Variants in FAM178B observed in about 807,000 individuals in gnomAD.
FAM178B encodes the protein protein FAM178B.
FAM178B carries 82 observed loss-of-function variants against 91.7 expected under a neutral mutation model. The ratio of observed to expected loss-of-function variants is 0.89; its 90% CI spans 0.75 to 1.07. The LOEUF (loss-of-function observed/expected upper bound fraction) is 1.07. FAM178B is among the 50% of genes least tolerant of loss of function. FAM178B has a pLI of 0.00. For synonymous variants in FAM178B, 368 were observed against 359.4 expected (o/e 1.02, Z -0.27); for missense variants, 769 against 846.7 (o/e 0.91, Z 1.14).
At chr2:96,938,664 T>C (rs1485135297) in intron 8 of FAM178B, among the ~76,000 whole-genome samples, 1 of 152,204 alleles carries the variant, frequency 6.6e-6, no homozygotes, top group African/African-American at 2.4e-5. Flanking sequence ...CTCACACAGC[T>C]GCCAGGAACC....
At chr2:96,921,091 A>G in intron 12 of FAM178B, 74 bp downstream of exon 12, 1 of 1,248,934 alleles carries the variant, frequency 8.0e-7, no homozygotes, top group Non-Finnish European at 1.1e-6. Flanking sequence ...GCTGATGGGG[A>G]GGACTCTGGA....
At chr2:96,899,616 T>C (rs574410168) in intron 13 of FAM178B, among the ~76,000 whole-genome samples, 31 of 150,496 alleles carry the variant, frequency 2.1e-4, no homozygotes, top group Non-Finnish European at 3.7e-4. Flanking sequence ...CAGGCTGGAG[T>C]GCAGTGGAGC....
Position 96,960,339 on chromosome 2 carries a change from A to T in FAM178B, c.836T>A (p.Leu279Gln), listed in dbSNP as rs1251802749. ...GCGTGGCTTCAGGAGTGAGGAGTCC[A>T]GGATGCATGGCAGGGGGTGACACCT... ...LPRCHPLPCI[L>Q]DSSLLKPRSH... Residue 279 changes from leucine (L) to glutamine (Q), a missense_variant, in exon 6 of 17, where the codon CTG (leucine) becomes CAG (glutamine). Coordinates refer to ENST00000490605, the MANE Select transcript of FAM178B (RefSeq NM_001122646.3). 6.4e-7 allele frequency: 1 copy of T among 1,551,680 alleles called. No individual in the cohort carries two copies. Among genetic ancestry groups the T allele is most frequent in the Non-Finnish European group, 8.7e-7 (1 of 1,147,008 alleles).
intron 1 of FAM178B, among the ~76,000 whole-genome samples, chr2:96,982,645 T>C (rs1194265497): frequency 2.6e-5 from 4 of 151,990 alleles, no homozygotes; most frequent in Non-Finnish European, 5.9e-5. Context: ...CACAGCTCTC[T>C]GCAACCTTGA....
At chr2:96,947,786 C>A (rs1020987514) in intron 8 of FAM178B, 32 bp downstream of exon 8, 4 of 1,313,190 alleles carry the variant, frequency 3.0e-6, no homozygotes, top group Non-Finnish European at 3.2e-6. Flanking sequence ...GAGCTCAGTG[C>A]GCCAATCTCC....
At position 96,877,988 on chromosome 2, in the gene FAM178B, G is replaced by T; in HGVS notation, c.1909C>A (p.Arg637=). Residue 637 remains arginine, a synonymous_variant, in exon 16 of 17, where the codon CGG becomes AGG. Transcript: ENST00000490605. ...QLDRHISTQI[R]ESPQAMHRTM... is the part of the protein sequence containing the mutation. ...CGGTGCATGGCCTGGGGGCTCTCCC[G>T]GATCTGCGTGCTGATGTGGCGGTCC... The T allele has an allele frequency of 6.2e-7, 1 of 1,613,256 alleles. No individual in the cohort carries two copies. The highest frequency in any genetic ancestry group is 1.1e-5 in the South Asian group (1 of 91,082).
intron 9 of FAM178B, among the ~76,000 whole-genome samples, chr2:96,926,898 T>C (rs930892456): frequency 1.3e-5 from 2 of 152,198 alleles, no homozygotes; most frequent in African/African-American, 4.8e-5. Context: ...GCCCTGGCCA[T>C]TGTGAGGCAC....
Position 96,951,253 on chromosome 2 carries a change from G to T in FAM178B, c.993+126C>A, listed in dbSNP as rs139430796. 4.6e-4 allele frequency: 318 copies of T among 695,956 alleles called. 1 individual carries two copies. In the African/African-American group the frequency reaches 5.1e-3, roughly 11 times the overall value. 43.1% of individuals were successfully genotyped at this position (695,956 alleles called of 1,614,324 possible). ...CAATCAGCTCTCCTCCCTCCTCCCA[G>T]CCTGAGCCCAGCCAAGCAGCACCTA... On this transcript the variant is annotated intron_variant, in intron 7 of 16. Transcript: ENST00000490605.
intron 12 of FAM178B, among the ~76,000 whole-genome samples, chr2:96,918,867 C>T (rs1468106991): frequency 5.9e-5 from 9 of 152,162 alleles, no homozygotes; most frequent in South Asian, 2.1e-4. Context: ...AGACATTACA[C>T]GGGACAGCAC....
At chr2:96,966,713 G>T (rs11891458) in intron 5 of FAM178B, among the ~76,000 whole-genome samples, 34,050 of 151,926 alleles carry the variant, frequency 0.22, 6,311 homozygotes, top group African/African-American at 0.51. Flanking sequence ...AAGGTATTAG[G>T]AAGTGGGGCC....
At chr2:96,974,483 A>G (rs2082264408) in intron 1 of FAM178B, among the ~76,000 whole-genome samples, 1 of 151,974 alleles carries the variant, frequency 6.6e-6, no homozygotes, top group Non-Finnish European at 1.5e-5. Context: ...AAAGAAAAAT[A>G]TATAGAAAAC....
At chr2:96,939,779 A>G (rs1346630841) in intron 8 of FAM178B, among the ~76,000 whole-genome samples, 1 of 152,154 alleles carries the variant, frequency 6.6e-6, no homozygotes, top group Non-Finnish European at 1.5e-5. Flanking sequence ...CCAATTACCT[A>G]TAACATGGGA....
At chr2:96,879,259 C>G (rs1411669601) in intron 14 of FAM178B, among the ~76,000 whole-genome samples, 1 of 152,236 alleles carries the variant, frequency 6.6e-6, no homozygotes, top group African/African-American at 2.4e-5. Context: ...GCCTTGTCCT[C>G]TCGGCTCTCT....
intron 1 of FAM178B, among the ~76,000 whole-genome samples, chr2:96,984,133 C>CTG (rs2082395914): frequency 6.6e-6 from 1 of 151,962 alleles, no homozygotes; most frequent in Admixed American, 6.6e-5. Context: ...CCACACCCAG[C>CTG]TAATTTTTAG....
Position 96,967,295 on chromosome 2 carries a change from C to G in FAM178B, c.734+225G>C, listed in dbSNP as rs555625951. Among the ~76,000 whole-genome samples, 9 of 152,314 alleles carry G rather than the reference C, an allele frequency of 5.9e-5. No homozygotes were observed. In the South Asian group the frequency reaches 1.9e-3, roughly 32 times the overall value. On this transcript the variant is annotated intron_variant, in intron 5 of 16. Coordinates refer to ENST00000490605, the MANE Select transcript of FAM178B (RefSeq NM_001122646.3). Reference sequence around the variant, plus strand: ...GGCAGAACAAGCTGTGTTTTATGATCCCTGTGTGGCAAAGGCTCAAATGAG... The same window carrying G: ...GGCAGAACAAGCTGTGTTTTATGATGCCTGTGTGGCAAAGGCTCAAATGAG...
At chr2:96,877,686 C>G in intron 16 of FAM178B, 1 of 592,944 alleles carries the variant, frequency 1.7e-6, no homozygotes, top group Non-Finnish European at 3.0e-6. Flanking sequence ...TGAGCTACCA[C>G]GCCCAGCCTT....
At chr2:96,970,106 C>A (rs2082196850) in intron 4 of FAM178B, among the ~76,000 whole-genome samples, 1 of 152,224 alleles carries the variant, frequency 6.6e-6, no homozygotes, top group Admixed American at 6.5e-5. Context: ...ATGAAGACGA[C>A]CCCTGTCTGT....
intron 6 of FAM178B, among the ~76,000 whole-genome samples, chr2:96,953,383 C>T (rs1021814288): frequency 6.6e-6 from 1 of 152,240 alleles, no homozygotes; most frequent in Non-Finnish European, 1.5e-5. Flanking sequence ...GCTGGCGCTT[C>T]AGGGACTCTG....
At chr2:96,955,095 G>T in intron 6 of FAM178B, among the ~76,000 whole-genome samples, 1 of 152,204 alleles carries the variant, frequency 6.6e-6, no homozygotes, top group East Asian at 1.9e-4. Context: ...GCCGGGCATC[G>T]TGGCTCATGC....
Sources: gnomAD v4.1 joint callset for allele counts (sites outside exome capture counted in the v4.1 genomes callset) on GRCh38, gnomAD v4.1.1 for gene constraint, MANE v1.5 for transcripts, NCBI Gene and HGNC (gene_info 2026-07-23, HGNC 2026-07-21) for gene names.